The following UNC5D variants were observed in gnomAD, a reference collection of about 807,000 sequenced individuals.
UNC5D encodes unc-5 netrin receptor D, also known as netrin receptor UNC5D.
A neutral mutation model predicts 105.4 loss-of-function variants in UNC5D; 39 were observed. The observed-to-expected ratio is 0.37, with a 90% CI of 0.29 to 0.48. The LOEUF (loss-of-function observed/expected upper bound fraction) is 0.48, where lower values mean the gene tolerates loss of function less well. Among genes scored for constraint, UNC5D ranks in the 20% least tolerant of loss-of-function variants. The pLI, the probability that UNC5D is intolerant of heterozygous loss-of-function variation, is 0.98. For synonymous variants in UNC5D, 452 were observed against 450.4 expected (o/e 1.00, Z -0.04); for missense variants, 991 against 1,202.4 (o/e 0.82, Z 2.60).
intron 1 of UNC5D, among the ~76,000 whole-genome samples, chr8:35,512,357 A>G (rs1187176132): frequency 6.7e-6 from 1 of 149,880 alleles, no homozygotes. Context: ...CCCTGTCTCT[A>G]CAAGACATTA....
At chr8:35,451,757 G>A (rs1439680239) in intron 1 of UNC5D, among the ~76,000 whole-genome samples, 1 of 152,100 alleles carries the variant, frequency 6.6e-6, no homozygotes, top group Non-Finnish European at 1.5e-5. Context: ...GTTGCTGAAT[G>A]TTTCTAGCTT....
intron 3 of UNC5D, among the ~76,000 whole-genome samples, chr8:35,585,524 ATATG>A (rs914058895): frequency 7.3e-6 from 1 of 137,092 alleles, no homozygotes; most frequent in African/African-American, 2.8e-5. Flanking sequence ...TGCAACCATA[ATATG>A]TGTGTGTGTG....
chr8:35,392,687 A>G (rs1243039220), intron 1 of UNC5D, among the ~76,000 whole-genome samples: 1 of 152,210 alleles, frequency 6.6e-6, no homozygotes, highest in Non-Finnish European at 1.5e-5. Context: ...CTTTTGCCAT[A>G]TAAAGTAATA....
intron 1 of UNC5D, among the ~76,000 whole-genome samples, chr8:35,289,325 G>T (rs1374930576): frequency 6.6e-6 from 1 of 152,278 alleles, no homozygotes; most frequent in East Asian, 1.9e-4. Context: ...GTAAATATAT[G>T]TGCACTAAAC....
At chr8:35,449,310 C>G (rs1306514862) in intron 1 of UNC5D, among the ~76,000 whole-genome samples, 1 of 152,096 alleles carries the variant, frequency 6.6e-6, no homozygotes, top group Non-Finnish European at 1.5e-5. Flanking sequence ...TTCTTTTGCT[C>G]CCTCACCATG....
In UNC5D at chr8:35,368,723, T is replaced by C. The variant is rs577222150; in HGVS notation, c.103+132836T>C. ...TGGGATTTATTTGAAGGTGGTGCCA[T>C]TGGGAGGTAATTAGGTCTGGAAGAG... On this transcript the variant is annotated intron_variant, in intron 1 of 16. Transcript: ENST00000404895. Among the ~76,000 whole-genome samples the C allele has an allele frequency of 3.9e-5, 6 of 152,168 alleles. 1 individual carries two copies. The East Asian group carries it at 7.7e-4, about 20-fold the overall frequency.
intron 3 of UNC5D, among the ~76,000 whole-genome samples, chr8:35,582,774 G>T (rs888454810): frequency 6.6e-6 from 1 of 152,120 alleles, no homozygotes; most frequent in Non-Finnish European, 1.5e-5. Context: ...ATTACAATGA[G>T]GTGGTGAGTA....
intron 3 of UNC5D, among the ~76,000 whole-genome samples, chr8:35,577,039 A>T (rs1263934773): frequency 2.6e-5 from 4 of 152,186 alleles, no homozygotes; most frequent in Non-Finnish European, 5.9e-5. Flanking sequence ...TGTTAGCGTG[A>T]TCTCTTTCTG....
In UNC5D at chr8:35,794,396, A is replaced by G. The variant is rs1485396232; in HGVS notation, c.*3833A>G. 1 of 152,244 alleles carries G rather than the reference A, an allele frequency of 6.6e-6. No individual in the cohort carries two copies. The highest frequency in any genetic ancestry group is 1.5e-5 in the Non-Finnish European group (1 of 68,030). 9.4% of individuals were successfully genotyped at this position (152,244 alleles called of 1,614,324 possible). A position where few individuals can be genotyped will look rare whatever the true frequency, so the allele number is the denominator to read the frequency against. Reference sequence around the variant, plus strand: ...CCTCATGAAACATTGCAGAGTTTGAATCCTCAGTAACTCTCATTGACTGGA... The same window carrying G: ...CCTCATGAAACATTGCAGAGTTTGAGTCCTCAGTAACTCTCATTGACTGGA... On this transcript the variant is annotated 3_prime_UTR_variant, in exon 17 of 17. Transcript: ENST00000404895.
intron 10 of UNC5D, among the ~76,000 whole-genome samples, chr8:35,730,787 C>A (rs1226575951): frequency 4.0e-5 from 6 of 150,376 alleles, no homozygotes; most frequent in Non-Finnish European, 8.9e-5. Context: ...AAAAAAAAAA[C>A]TAATTTGAGT....
chr8:35,705,881 G>A (rs976638118), intron 7 of UNC5D, 48 bp from the exon 8 acceptor site: 14 of 1,210,128 alleles, frequency 1.2e-5, no homozygotes, highest in Non-Finnish European at 1.5e-5. Flanking sequence ...TCTGCTCCAT[G>A]TAAATTTATT....
intron 1 of UNC5D, among the ~76,000 whole-genome samples, chr8:35,268,451 C>T (rs1038077960): frequency 5.9e-5 from 9 of 152,070 alleles, no homozygotes; most frequent in African/African-American, 2.2e-4. Flanking sequence ...AATTTAAAAA[C>T]AGAGCCTTGA....
At chr8:35,430,717 A>G (rs1806572823) in intron 1 of UNC5D, among the ~76,000 whole-genome samples, 1 of 152,172 alleles carries the variant, frequency 6.6e-6, no homozygotes, top group African/African-American at 2.4e-5. Context: ...CTCCACATAT[A>G]TATGGTCACA....
At chr8:35,248,175 T>A (rs184880178) in intron 1 of UNC5D, among the ~76,000 whole-genome samples, 15,130 of 28,076 alleles carry the variant, frequency 0.54, 3,110 homozygotes, top group Middle Eastern at 0.59. Flanking sequence ...TATTATATAA[T>A]ATATATAATA....
At chr8:35,730,303 C>A (rs1442616575) in intron 10 of UNC5D, among the ~76,000 whole-genome samples, 1 of 152,196 alleles carries the variant, frequency 6.6e-6, no homozygotes, top group Non-Finnish European at 1.5e-5. Context: ...CCTGTGCCTT[C>A]CCTTCCTGCA....
chr8:35,378,010 G>A (rs1802799600), intron 1 of UNC5D, among the ~76,000 whole-genome samples: 2 of 151,986 alleles, frequency 1.3e-5, no homozygotes, highest in African/African-American at 4.8e-5. Flanking sequence ...TTTGTATAAT[G>A]TTTGGTTCCC....
At chr8:35,555,238 C>A (rs889751778) in intron 2 of UNC5D, among the ~76,000 whole-genome samples, 2 of 152,126 alleles carry the variant, frequency 1.3e-5, no homozygotes, top group Non-Finnish European at 2.9e-5. Flanking sequence ...GTTCATCACT[C>A]TACTTCTCAG....
intron 1 of UNC5D, among the ~76,000 whole-genome samples, chr8:35,441,831 G>A (rs1001954399): frequency 6.6e-6 from 1 of 151,470 alleles, no homozygotes; most frequent in South Asian, 2.1e-4. Flanking sequence ...AGAATCCATC[G>A]TCTGACCATT....
chr8:35,572,212 C>T lies in UNC5D; in HGVS notation c.466+3971C>T, dbSNP rs184583371. Among the ~76,000 whole-genome samples the T allele has an allele frequency of 5.7e-3, 741 of 129,518 alleles. 1 individual carries two copies. Among genetic ancestry groups the T allele is most frequent in the Non-Finnish European group, 9.1e-3 (580 of 63,922 alleles). 85.0% of individuals were successfully genotyped at this position (129,518 alleles called of 152,430 possible). ...CTGAGGTGGGAGGATCGTTTGAGCC[C>T]GGGAGGTGGAGGTTGTAGTGAGCTG... On this transcript the variant is annotated intron_variant, in intron 3 of 16. Coordinates refer to ENST00000404895, the MANE Select transcript of UNC5D (RefSeq NM_080872.4).
Sources: gnomAD v4.1 joint callset for allele counts (sites outside exome capture counted in the v4.1 genomes callset) on GRCh38, gnomAD v4.1.1 for gene constraint, MANE v1.5 for transcripts, NCBI Gene and HGNC (gene_info 2026-07-23, HGNC 2026-07-21) for gene names.